The following CDH6 variants were observed in gnomAD, a reference collection of about 807,000 sequenced individuals.
CDH6 encodes cadherin-6.
A neutral mutation model predicts 78.0 loss-of-function variants in CDH6; 31 were observed. The ratio of observed to expected loss-of-function variants is 0.40; its 90% CI spans 0.30 to 0.54. The LOEUF is 0.54. Ranked by LOEUF, CDH6 falls within the 20% of genes least tolerant of loss-of-function variation. The pLI is 0.56. For missense variants in CDH6, 724 were observed against 975.9 expected (o/e 0.74, Z 3.44); for synonymous variants, 376 against 368.8 (o/e 1.02, Z -0.23).
chr5:31,319,254 C>T (rs1014000325), intron 11 of CDH6, among the ~76,000 whole-genome samples: 5 of 152,124 alleles, frequency 3.3e-5, no homozygotes, highest in Non-Finnish European at 7.3e-5. Context: ...CATCTACCTC[C>T]GCCTTTCATT....
intron 1 of CDH6, among the ~76,000 whole-genome samples, chr5:31,199,358 T>A (rs558385298): frequency 1.2e-4 from 18 of 149,928 alleles, no homozygotes; most frequent in Non-Finnish European, 2.4e-4. Flanking sequence ...TGTATATATA[T>A]GATGTATATA....
intron 1 of CDH6, among the ~76,000 whole-genome samples, chr5:31,259,516 G>A (rs1742154286): frequency 1.3e-5 from 2 of 152,148 alleles, no homozygotes; most frequent in South Asian, 4.1e-4. Context: ...TCTTGTTTAA[G>A]CTTCATTGTC....
intron 6 of CDH6, chr5:31,302,544 C>G (rs1215281134): frequency 9.2e-6 from 3 of 325,490 alleles, no homozygotes; most frequent in Non-Finnish European, 1.7e-5. Flanking sequence ...CAAAACCTAT[C>G]TCTGTTAAAA....
Position 31,326,680 on chromosome 5 carries a change from AATTTTTTTTT to A in CDH6, c.*3373_*3382del. The A allele has an allele frequency of 7.7e-6, 1 of 129,748 alleles. No individual in the cohort carries two copies. Among genetic ancestry groups the A allele is most frequent in the Non-Finnish European group, 1.6e-5 (1 of 61,514 alleles). The allele number at this position is 129,748 out of a possible 1,614,324, so 8.0% of individuals were successfully genotyped here. ...CAAAGAGTTGTGCAGAAAATCTTAA[AATTTTTTTTT>A]TTTTTTTTTTTTTTTTTTTGAGACA... On this transcript the variant is annotated 3_prime_UTR_variant, in exon 12 of 12. Transcript: ENST00000265071.
rs1043899525 is a variant in CDH6 at position 31,323,986 on chromosome 5, G to C, written c.*678G>C. The stretch of plus-strand genomic sequence containing the variant: ...CATTCCTTCCACTAACTCATAGTTT[G>C]TTATATCCTAGACTAGACATGCGAA... On this transcript the variant is annotated 3_prime_UTR_variant, in exon 12 of 12. Coordinates refer to ENST00000265071, the MANE Select transcript of CDH6 (RefSeq NM_004932.4). The C allele has an allele frequency of 1.3e-5, 3 of 226,058 alleles. No individual in the cohort carries two copies. The highest frequency in any genetic ancestry group is 2.6e-5 in the Non-Finnish European group (3 of 114,176). 14.0% of individuals were successfully genotyped at this position (226,058 alleles called of 1,614,324 possible). A position where few individuals can be genotyped will look rare whatever the true frequency, so the allele number is the denominator to read the frequency against.
intron 1 of CDH6, among the ~76,000 whole-genome samples, chr5:31,234,788 TATGCATGACACATATGCATACATATATAC>T (rs1399358395): frequency 6.6e-6 from 1 of 152,222 alleles, no homozygotes; most frequent in Non-Finnish European, 1.5e-5. Context: ...TATACATACA[TATGCATGACACATATGCATACATATATAC>T]ATGCATGCAC....
At position 31,325,359 on chromosome 5, in the gene CDH6, TG is replaced by T. The variant is rs1738603014; in HGVS notation, c.*2052del. The T allele has an allele frequency of 8.9e-6, 2 of 225,538 alleles. No homozygotes were observed. The highest frequency in any genetic ancestry group is 5.8e-5 in the Admixed American group (1 of 17,328). The allele number at this position is 225,538 out of a possible 1,614,324, so 14.0% of individuals were successfully genotyped here. ...ACACACACACACACACACACACGAATGCAAACAAAAGGCTATATGAGGTCTT... is the reference window on the plus strand; with the variant it reads ...ACACACACACACACACACACACGAATCAAACAAAAGGCTATATGAGGTCTT... On this transcript the variant is annotated 3_prime_UTR_variant, in exon 12 of 12. Coordinates refer to ENST00000265071, the MANE Select transcript of CDH6 (RefSeq NM_004932.4).
chr5:31,237,912 G>A (rs1167946999), intron 1 of CDH6, among the ~76,000 whole-genome samples: 1 of 152,156 alleles, frequency 6.6e-6, no homozygotes. Flanking sequence ...TGGAGATCAT[G>A]AGGTCTACCC....
At chr5:31,274,072 T>A (rs1742615522) in intron 2 of CDH6, among the ~76,000 whole-genome samples, 2 of 152,208 alleles carry the variant, frequency 1.3e-5, no homozygotes, top group Non-Finnish European at 2.9e-5. Flanking sequence ...TAACTAACAT[T>A]TTTATGTTTC....
intron 1 of CDH6, among the ~76,000 whole-genome samples, chr5:31,221,933 C>T (rs901508761): frequency 3.3e-4 from 50 of 152,162 alleles, no homozygotes; most frequent in African/African-American, 8.7e-4. Context: ...ATCTGCTAGA[C>T]TTGTTGTGTG....
chr5:31,247,028 G>A (rs1445340388), intron 1 of CDH6, among the ~76,000 whole-genome samples: 1 of 152,206 alleles, frequency 6.6e-6, no homozygotes, highest in African/African-American at 2.4e-5. Context: ...TGGGATTACA[G>A]GCATGAGCTA....
chr5:31,246,213 A>C (rs1365310234), intron 1 of CDH6, among the ~76,000 whole-genome samples: 2 of 151,964 alleles, frequency 1.3e-5, no homozygotes, highest in African/African-American at 4.8e-5. Flanking sequence ...CCCAGCCTTA[A>C]CATTTTCTTA....
intron 2 of CDH6, among the ~76,000 whole-genome samples, chr5:31,271,842 G>A (rs1470535311): frequency 3.3e-5 from 5 of 152,094 alleles, no homozygotes; most frequent in South Asian, 4.1e-4. Flanking sequence ...CAGGTGAATC[G>A]TACGCATGTT....
chr5:31,293,417 A>G (rs1296275169), intron 2 of CDH6, among the ~76,000 whole-genome samples: 6 of 152,168 alleles, frequency 3.9e-5, no homozygotes, highest in Non-Finnish European at 7.4e-5. Context: ...TATAATCTCT[A>G]TCACTAAAGA....
chr5:31,227,240 G>A (rs950735269), intron 1 of CDH6, among the ~76,000 whole-genome samples: 8 of 152,026 alleles, frequency 5.3e-5, no homozygotes, highest in African/African-American at 1.9e-4. Context: ...AAGCACCTCC[G>A]CCCGTCAAAC....
intron 1 of CDH6, among the ~76,000 whole-genome samples, chr5:31,222,791 A>T (rs1741037487): frequency 1.3e-5 from 2 of 152,178 alleles, no homozygotes. Flanking sequence ...AGCCTCTATT[A>T]CACTTGGCAA....
chr5:31,328,944 G>T lies in CDH6; in HGVS notation c.*5636G>T, dbSNP rs755208817. ...TATTACCTTTTAGCTCAGTGTGGCC[G>T]GGCCTTTTGTTGCAGTCAAATGGCA... On this transcript the variant is annotated 3_prime_UTR_variant, in exon 12 of 12. Coordinates refer to ENST00000265071, the MANE Select transcript of CDH6 (RefSeq NM_004932.4). 4.5e-6 allele frequency: 1 copy of T among 221,370 alleles called. No homozygotes were observed. The highest frequency in any genetic ancestry group is 6.6e-5 in the East Asian group (1 of 15,088). 13.7% of individuals were successfully genotyped at this position (221,370 alleles called of 1,614,324 possible). A position where few individuals can be genotyped will look rare whatever the true frequency, so the allele number is the denominator to read the frequency against.
chr5:31,316,430 T>C (rs975946919), intron 9 of CDH6, 101 bp downstream of exon 9: 14 of 1,015,984 alleles, frequency 1.4e-5, no homozygotes, highest in Non-Finnish European at 2.0e-5. Flanking sequence ...TTGTGAATTA[T>C]CTATGAAGTG....
At chr5:31,279,121 C>A (rs1189789603) in intron 2 of CDH6, among the ~76,000 whole-genome samples, 3 of 152,138 alleles carry the variant, frequency 2.0e-5, no homozygotes, top group South Asian at 4.1e-4. Context: ...AGGGCACCAA[C>A]CTGCATAGTT....
Sources: allele counts gnomAD v4.1 joint callset (sites outside exome capture counted in the v4.1 genomes callset), GRCh38; gene constraint gnomAD v4.1.1; transcripts MANE v1.5; gene names NCBI Gene and HGNC (gene_info 2026-07-23, HGNC 2026-07-21).